SLC2A13: variants seen among roughly 807,000 people sequenced by gnomAD.
SLC2A13 encodes the protein proton myo-inositol cotransporter.
In SLC2A13, 32 loss-of-function variants were observed where a neutral mutation model predicts 64.4. The observed-to-expected ratio is 0.50, with a 90% CI of 0.37 to 0.67. The LOEUF (loss-of-function observed/expected upper bound fraction) is 0.67, where lower values mean the gene tolerates loss of function less well. Among genes scored for constraint, SLC2A13 ranks in the 30% least tolerant of loss-of-function variants. SLC2A13 has a pLI of 0.00. For synonymous variants in SLC2A13, 338 were observed against 327.1 expected, an observed-to-expected ratio of 1.03 and a Z score of -0.36; for missense variants, 743 against 829.2, an observed-to-expected ratio of 0.90 and a Z score of 1.28.
chr12:39,859,796 G>A (rs1006772980), intron 6 of SLC2A13, among the ~76,000 whole-genome samples: 1 of 152,142 alleles, frequency 6.6e-6, no homozygotes, highest in Non-Finnish European at 1.5e-5. Context: ...AAAGTGCTGG[G>A]ATTACACGCC....
chr12:39,813,805 A>C (rs1484263340), intron 7 of SLC2A13, among the ~76,000 whole-genome samples: 1 of 152,200 alleles, frequency 6.6e-6, no homozygotes, highest in African/African-American at 2.4e-5. Flanking sequence ...TAAAATAGCA[A>C]TTAAAAAGAT....
intron 7 of SLC2A13, among the ~76,000 whole-genome samples, chr12:39,827,192 A>G (rs1219387404): frequency 6.6e-6 from 1 of 151,606 alleles, no homozygotes; most frequent in Non-Finnish European, 1.5e-5. Context: ...CATTCAATTT[A>G]TTTATTTGTT....
intron 4 of SLC2A13, among the ~76,000 whole-genome samples, chr12:39,896,121 C>A (rs1212180146): frequency 1.4e-5 from 2 of 141,932 alleles, no homozygotes; most frequent in Non-Finnish European, 1.5e-5. Context: ...TGAATGCATA[C>A]ATATATGTAT....
At chr12:39,959,925 C>G (rs1376416467) in intron 3 of SLC2A13, among the ~76,000 whole-genome samples, 1 of 152,164 alleles carries the variant, frequency 6.6e-6, no homozygotes, top group Non-Finnish European at 1.5e-5. Flanking sequence ...AACCCATCAC[C>G]TAGGCATTAA....
chr12:39,788,446 C>T (rs1445093670), intron 7 of SLC2A13: 1 of 152,122 alleles, frequency 6.6e-6, no homozygotes, highest in Non-Finnish European at 1.5e-5. Flanking sequence ...CATGGATATA[C>T]TGGACAAAGG....
chr12:40,056,683 G>A (rs1320890075), intron 1 of SLC2A13, among the ~76,000 whole-genome samples: 1 of 152,128 alleles, frequency 6.6e-6, no homozygotes, highest in Non-Finnish European at 1.5e-5. Flanking sequence ...TAATTGCATA[G>A]GTGTCAATGA....
At position 39,760,212 on chromosome 12, in the gene SLC2A13, G is replaced by C; in HGVS notation, c.1761C>G (p.Leu587=). The C allele has an allele frequency of 6.2e-7, 1 of 1,612,628 alleles. No homozygotes were observed. Among genetic ancestry groups the C allele is most frequent in the Non-Finnish European group, 8.5e-7 (1 of 1,179,224 alleles). ...FLYAGFAAVG[L]LFIYGCLPET... ...CAGGAAGACAGCCATAGATGAAAAG[G>C]AGTCCCACAGCAGCAAATCCAGCAT... is the stretch of plus-strand genomic sequence containing the variant. The change falls in exon 10 of 10, where the codon CTC becomes CTG. Residue 587 remains leucine, a synonymous_variant. Coordinates refer to ENST00000280871, the MANE Select transcript of SLC2A13 (RefSeq NM_052885.4).
chr12:39,790,120 T>A (rs1365275947), intron 7 of SLC2A13, among the ~76,000 whole-genome samples: 2 of 47,870 alleles, frequency 4.2e-5, no homozygotes, highest in Admixed American at 3.8e-4. Context: ...GTGCATTCTT[T>A]TGTGTTCTTT....
At chr12:40,046,681 C>A (rs11174928) in intron 2 of SLC2A13, among the ~76,000 whole-genome samples, 10,662 of 151,492 alleles carry the variant, frequency 0.07, 699 homozygotes, top group East Asian at 0.38. Context: ...AGTTTAGCAA[C>A]ATCTGCAGAC....
chr12:39,764,396 T>C lies in SLC2A13; in HGVS notation c.1720+64A>G, dbSNP rs1940273426. On this transcript the variant is annotated intron_variant, in intron 9 of 9. Coordinates refer to ENST00000280871, the MANE Select transcript of SLC2A13 (RefSeq NM_052885.4). ...ATAGTCTCAATCACAAATGATATTA[T>C]AGTGTATCTAAAAATAGTGATAAAA... The C allele has an allele frequency of 2.2e-6, 3 of 1,334,232 alleles. No homozygotes were observed. The South Asian group carries it at 4.6e-5, about 21-fold the overall frequency. 82.6% of individuals were successfully genotyped at this position (1,334,232 alleles called of 1,614,324 possible).
At chr12:39,866,876 A>G (rs943558605) in intron 5 of SLC2A13, among the ~76,000 whole-genome samples, 6 of 152,228 alleles carry the variant, frequency 3.9e-5, no homozygotes, top group Non-Finnish European at 1.5e-5. Context: ...AAAATAACAG[A>G]ACAAAGTTGA....
intron 3 of SLC2A13, among the ~76,000 whole-genome samples, chr12:40,018,648 T>C (rs1019192621): frequency 1.2e-4 from 18 of 152,200 alleles, no homozygotes; most frequent in African/African-American, 4.1e-4. Flanking sequence ...AAAGGCCTTC[T>C]TTGCCCAGAG....
At chr12:39,885,010 G>T (rs1017555862) in intron 4 of SLC2A13, among the ~76,000 whole-genome samples, 1 of 152,202 alleles carries the variant, frequency 6.6e-6, no homozygotes, top group African/African-American at 2.4e-5. Flanking sequence ...GCAGAGACAG[G>T]TATTATAGCC....
chr12:39,762,906 T>G (rs1040305921), intron 9 of SLC2A13, among the ~76,000 whole-genome samples: 7 of 94,516 alleles, frequency 7.4e-5, no homozygotes, highest in African/African-American at 3.0e-4. Context: ...TTAAATTTCA[T>G]TACTGTTGCC....
At chr12:39,981,257 G>T (rs1459878516) in intron 3 of SLC2A13, among the ~76,000 whole-genome samples, 2,270 of 148,262 alleles carry the variant, frequency 0.015, 44 homozygotes, top group African/African-American at 0.049. Flanking sequence ...ACATCACAAT[G>T]AAAAGAACTA....
At chr12:39,969,312 C>A (rs1214095039) in intron 3 of SLC2A13, among the ~76,000 whole-genome samples, 2 of 152,116 alleles carry the variant, frequency 1.3e-5, no homozygotes, top group Non-Finnish European at 2.9e-5. Flanking sequence ...TGGGTATATA[C>A]CCAGTAATGG....
intron 3 of SLC2A13, among the ~76,000 whole-genome samples, chr12:39,982,862 A>G (rs1243756711): frequency 7.9e-6 from 1 of 126,732 alleles, no homozygotes; most frequent in Non-Finnish European, 1.8e-5. Flanking sequence ...AAGAGCCCGC[A>G]TTGCCAAGTC....
At chr12:40,094,980 AGG>A (rs1190337189) in intron 1 of SLC2A13, among the ~76,000 whole-genome samples, 1 of 152,204 alleles carries the variant, frequency 6.6e-6, no homozygotes, top group Non-Finnish European at 1.5e-5. Context: ...AAAAGAGAGG[AGG>A]GAGTGTGGAA....
intron 4 of SLC2A13, among the ~76,000 whole-genome samples, chr12:39,875,531 C>A (rs1426666203): frequency 1.3e-5 from 2 of 152,118 alleles, no homozygotes; most frequent in South Asian, 2.1e-4. Context: ...GTTTGTATGT[C>A]CTTGGGGGGA....
Sources: gnomAD v4.1 joint callset for allele counts (sites outside exome capture counted in the v4.1 genomes callset) on GRCh38, gnomAD v4.1.1 for gene constraint, MANE v1.5 for transcripts, NCBI Gene and HGNC (gene_info 2026-07-23, HGNC 2026-07-21) for gene names.